Variants in DENND5A observed in about 807,000 individuals in gnomAD.
DENND5A encodes DENN domain containing 5A.
In DENND5A, 64 loss-of-function variants were observed where a neutral mutation model predicts 140.3. The observed-to-expected ratio is 0.46, with a 90% CI of 0.37 to 0.56. DENND5A has a LOEUF of 0.56. Ranked by LOEUF, DENND5A falls within the 20% of genes least tolerant of loss-of-function variation. The probability of loss-of-function intolerance (pLI) is 0.00; values close to 1 mark genes in which losing one functional copy is unlikely to be tolerated. For missense variants in DENND5A, 1,292 were observed against 1,593.8 expected (o/e 0.81, Z 3.22); for synonymous variants, 605 against 607.7 (o/e 1.00, Z 0.07).
intron 10 of DENND5A, among the ~76,000 whole-genome samples, chr11:9,167,481 A>AG (rs1165279276): frequency 8.2e-4 from 124 of 151,514 alleles, no homozygotes; most frequent in Middle Eastern, 3.4e-3. Context: ...AGATTAAAAA[A>AG]AAAAAAAAAA....
intron 1 of DENND5A, among the ~76,000 whole-genome samples, chr11:9,253,928 C>A (rs1386548153): frequency 6.6e-6 from 1 of 151,856 alleles, no homozygotes; most frequent in African/African-American, 2.4e-5. Flanking sequence ...GAGGCCGAGA[C>A]GGGCGGATCA....
intron 5 of DENND5A, among the ~76,000 whole-genome samples, chr11:9,190,171 AAG>A (rs1035867012): frequency 8.5e-5 from 13 of 152,138 alleles, no homozygotes; most frequent in African/African-American, 3.1e-4. Flanking sequence ...ACAGGCTTAT[AAG>A]GAAAGGACTT....
At chr11:9,182,690 T>C (rs796380391) in intron 5 of DENND5A, among the ~76,000 whole-genome samples, 4 of 152,140 alleles carry the variant, frequency 2.6e-5, no homozygotes, top group Admixed American at 2.0e-4. Context: ...TTCTCACTTG[T>C]ATGTGGGAGC....
chr11:9,164,077 T>G (rs112843903), intron 11 of DENND5A, among the ~76,000 whole-genome samples: 1 of 138,912 alleles, frequency 7.2e-6, no homozygotes, highest in East Asian at 2.0e-4. Flanking sequence ...TTTTTTTTTT[T>G]TTTTTTTTTT....
intron 12 of DENND5A, among the ~76,000 whole-genome samples, chr11:9,154,976 C>T (rs1171329516): frequency 2.0e-5 from 3 of 151,804 alleles, no homozygotes; most frequent in South Asian, 2.1e-4. Context: ...AGGAGGAAAC[C>T]CCATCTCTAC....
intron 11 of DENND5A, among the ~76,000 whole-genome samples, chr11:9,161,832 T>C (rs993945850): frequency 3.3e-5 from 5 of 152,014 alleles, no homozygotes; most frequent in Non-Finnish European, 7.4e-5. Context: ...AATTTAAACA[T>C]AGTATAAAAC....
At chr11:9,203,267 T>C (rs1478741665) in intron 4 of DENND5A, among the ~76,000 whole-genome samples, 2 of 152,206 alleles carry the variant, frequency 1.3e-5, no homozygotes, top group Non-Finnish European at 2.9e-5. Flanking sequence ...TCTCAATATA[T>C]AAAGGATTAT....
At chr11:9,208,508 GT>G (rs1402072504) in intron 1 of DENND5A, among the ~76,000 whole-genome samples, 1 of 152,116 alleles carries the variant, frequency 6.6e-6, no homozygotes, top group Non-Finnish European at 1.5e-5. Context: ...CACCTCAAAA[GT>G]TTCTAAAAGA....
At chr11:9,235,619 C>T (rs1850966770) in intron 1 of DENND5A, among the ~76,000 whole-genome samples, 1 of 150,932 alleles carries the variant, frequency 6.6e-6, no homozygotes, top group Non-Finnish European at 1.5e-5. Context: ...GATCGCGCCA[C>T]TGCACTCCAG....
chr11:9,183,346 T>C (rs762003828), intron 5 of DENND5A, among the ~76,000 whole-genome samples: 1 of 152,220 alleles, frequency 6.6e-6, no homozygotes, highest in Non-Finnish European at 1.5e-5. Flanking sequence ...GCCAGGCACA[T>C]AGTACATAAT....
chr11:9,198,972 AC>A (rs1849430526), intron 4 of DENND5A, among the ~76,000 whole-genome samples: 1 of 113,378 alleles, frequency 8.8e-6, no homozygotes, highest in Non-Finnish European at 1.9e-5. Flanking sequence ...CAGGAGACTC[AC>A]TTGATCCCAG....
At position 9,169,858 on chromosome 11, in the gene DENND5A, C is replaced by T; in HGVS notation, c.2149G>A (p.Glu717Lys). The T allele has an allele frequency of 6.3e-7, 1 of 1,595,884 alleles. No individual in the cohort carries two copies. The highest frequency in any genetic ancestry group is 8.6e-7 in the Non-Finnish European group (1 of 1,163,478). The change falls in exon 10 of 23, where the codon GAG (glutamate) becomes AAG (lysine). Residue 717 changes from glutamate to lysine, a missense_variant and splice_region_variant. Around this residue, in one of 4 missense-constraint regions of DENND5A, gnomAD observed 199 missense variants for 189.1 expected, o/e 1.05. Coordinates refer to ENST00000328194, the MANE Select transcript of DENND5A (RefSeq NM_015213.4). ...EHLRLDNDQR[E>K]KYIQEARTMG... ...TTATCATTCTTAAGGTATCTTACCT[C>T]CCTCTGGTCATTATCTAAACGCAGG...
intron 22 of DENND5A, among the ~76,000 whole-genome samples, chr11:9,141,409 G>A (rs991971793): frequency 2.0e-5 from 3 of 152,168 alleles, no homozygotes; most frequent in African/African-American, 4.8e-5. Context: ...TGTGTCATTA[G>A]ACAGTTTCGT....
intron 1 of DENND5A, among the ~76,000 whole-genome samples, chr11:9,237,864 C>T (rs1487698152): frequency 1.3e-5 from 2 of 152,152 alleles, no homozygotes; most frequent in African/African-American, 4.8e-5. Flanking sequence ...GCCTGGGCGA[C>T]AGAGCGAGGC....
At chr11:9,201,334 C>T (rs1283446580) in intron 4 of DENND5A, among the ~76,000 whole-genome samples, 2 of 151,190 alleles carry the variant, frequency 1.3e-5, no homozygotes, top group African/African-American at 4.9e-5. Flanking sequence ...ATTATTGTGC[C>T]ACTACACTCT....
chr11:9,166,962 GAGA>G (rs1362221897), intron 10 of DENND5A, among the ~76,000 whole-genome samples: 1 of 152,066 alleles, frequency 6.6e-6, no homozygotes, highest in African/African-American at 2.4e-5. Context: ...CCACCAAGCT[GAGA>G]AGAATTTAAC....
At chr11:9,230,249 T>C (rs1287595185) in intron 1 of DENND5A, among the ~76,000 whole-genome samples, 3 of 136,842 alleles carry the variant, frequency 2.2e-5, no homozygotes, top group African/African-American at 8.3e-5. Flanking sequence ...TTTTTTTTTT[T>C]TTTTTTTTTT....
At chr11:9,142,595 C>T (rs531267799) in intron 21 of DENND5A, 127 bp downstream of exon 21, 18 of 1,243,334 alleles carry the variant, frequency 1.4e-5, no homozygotes, top group Non-Finnish European at 2.0e-5. Context: ...CCAGAGCAAA[C>T]AAATGAGATC....
chr11:9,226,368 C>T (rs1326852241), intron 1 of DENND5A, among the ~76,000 whole-genome samples: 4 of 152,148 alleles, frequency 2.6e-5, no homozygotes, highest in Non-Finnish European at 4.4e-5. Context: ...TTAAATGATC[C>T]TGTATAAATG....
Sources: gnomAD v4.1 joint callset for allele counts (sites outside exome capture counted in the v4.1 genomes callset) on GRCh38, gnomAD v4.1.1 for gene constraint, gnomAD v4.1.1 regional missense constraint, MANE v1.5 for transcripts, NCBI Gene and HGNC (gene_info 2026-07-23, HGNC 2026-07-21) for gene names.